FHOD3: variants seen among roughly 807,000 people sequenced by gnomAD.
FHOD3 encodes formin homology 2 domain containing 3.
Under a neutral mutation model 173.0 loss-of-function variants are expected in FHOD3, and 90 were observed. The ratio of observed to expected loss-of-function variants is 0.52; its 90% CI spans 0.44 to 0.62. FHOD3 has a LOEUF of 0.62. Ranked by LOEUF, FHOD3 falls within the 20% of genes least tolerant of loss-of-function variation. FHOD3 has a pLI of 0.00. For synonymous variants in FHOD3, 828 were observed against 823.0 expected, an observed-to-expected ratio of 1.01 and a Z score of -0.10; for missense variants, 1,945 against 2,034.7, an observed-to-expected ratio of 0.96 and a Z score of 0.85.
Position 36,709,254 on chromosome 18 carries a change from C to A in FHOD3, c.2396C>A (p.Ala799Asp). Residue 799 changes from alanine to aspartate, a missense_variant, in exon 18 of 29, where the codon GCC becomes GAC. Transcript: ENST00000590592. ...QALEQEPEER[A>D]SLSEKERQNE... ...CTAGAGCAAGAGCCGGAAGAAAGAG[C>A]CTCCCTCAGTGAAAAAGAGAGGCAG... The A allele has an allele frequency of 6.2e-7, 1 of 1,614,158 alleles. No homozygotes were observed.
At chr18:36,473,188 G>T (rs1240401246) in intron 3 of FHOD3, among the ~76,000 whole-genome samples, 1 of 152,194 alleles carries the variant, frequency 6.6e-6, no homozygotes, top group Non-Finnish European at 1.5e-5. Flanking sequence ...GCCGAGGCTG[G>T]CAGTCACCTG....
At chr18:36,571,626 A>G (rs1292316496) in intron 5 of FHOD3, among the ~76,000 whole-genome samples, 1 of 152,254 alleles carries the variant, frequency 6.6e-6, no homozygotes, top group Non-Finnish European at 1.5e-5. Flanking sequence ...CATTTACTCT[A>G]AAGCTATGGT....
chr18:36,576,884 C>T (rs192756365), intron 6 of FHOD3, among the ~76,000 whole-genome samples: 12 of 152,098 alleles, frequency 7.9e-5, no homozygotes, highest in African/African-American at 1.9e-4. Context: ...GGGTGGATCA[C>T]GAGATCGAGA....
chr18:36,474,986 T>TACACACACAC (rs3056805), intron 3 of FHOD3, among the ~76,000 whole-genome samples: 44 of 108,104 alleles, frequency 4.1e-4, no homozygotes, highest in East Asian at 2.9e-3. Context: ...AATACACACA[T>TACACACACAC]ACACACACAC....
At chr18:36,405,634 A>G (rs1185167751) in intron 3 of FHOD3, among the ~76,000 whole-genome samples, 1 of 152,272 alleles carries the variant, frequency 6.6e-6, no homozygotes, top group African/African-American at 2.4e-5. Flanking sequence ...GAAATGGAAT[A>G]AAGCTAAGGA....
At chr18:36,304,306 G>C (rs2092034102) in intron 1 of FHOD3, among the ~76,000 whole-genome samples, 2 of 152,296 alleles carry the variant, frequency 1.3e-5, no homozygotes, top group South Asian at 4.2e-4. Flanking sequence ...TTCCAGATAA[G>C]AGACAAGTAG....
intron 1 of FHOD3, among the ~76,000 whole-genome samples, chr18:36,321,030 C>T (rs1207064897): frequency 3.3e-5 from 5 of 151,996 alleles, no homozygotes; most frequent in Non-Finnish European, 7.4e-5. Flanking sequence ...AATGGGGCCA[C>T]ACCTCCAGTG....
intron 4 of FHOD3, among the ~76,000 whole-genome samples, chr18:36,504,813 G>A (rs1309258177): frequency 2.6e-5 from 4 of 152,110 alleles, no homozygotes; most frequent in Admixed American, 6.6e-5. Context: ...TGTTGTACAA[G>A]TTGAGCATCC....
chr18:36,539,703 T>C (rs899133431), intron 5 of FHOD3, among the ~76,000 whole-genome samples: 3 of 152,214 alleles, frequency 2.0e-5, no homozygotes, highest in African/African-American at 7.2e-5. Flanking sequence ...TATCACCATT[T>C]TGAGAAAATT....
chr18:36,465,077 C>T (rs2052829834), intron 3 of FHOD3, among the ~76,000 whole-genome samples: 2 of 152,328 alleles, frequency 1.3e-5, no homozygotes, highest in East Asian at 3.9e-4. Flanking sequence ...CCTGTAATCC[C>T]AGCACTTTGG....
At chr18:36,370,909 A>G (rs369129527) in intron 2 of FHOD3, among the ~76,000 whole-genome samples, 1 of 152,184 alleles carries the variant, frequency 6.6e-6, no homozygotes, top group Admixed American at 6.5e-5. Flanking sequence ...CTATAATTCA[A>G]TTTGGTGCAC....
At chr18:36,373,965 G>A (rs1012110433) in intron 3 of FHOD3, among the ~76,000 whole-genome samples, 2 of 152,132 alleles carry the variant, frequency 1.3e-5, no homozygotes, top group Non-Finnish European at 2.9e-5. Context: ...ACAAATCCAG[G>A]CACGTAACAT....
At chr18:36,480,181 G>T (rs1486516151) in intron 3 of FHOD3, among the ~76,000 whole-genome samples, 1 of 152,172 alleles carries the variant, frequency 6.6e-6, no homozygotes, top group Non-Finnish European at 1.5e-5. Context: ...CTGAGGTCCG[G>T]TGTCCACATA....
chr18:36,486,144 G>A (rs1488884078), intron 3 of FHOD3, among the ~76,000 whole-genome samples: 2 of 152,054 alleles, frequency 1.3e-5, no homozygotes, highest in South Asian at 2.1e-4. Context: ...TTTCCCATTG[G>A]CCACTAAATG....
intron 3 of FHOD3, among the ~76,000 whole-genome samples, chr18:36,440,845 G>T (rs1372625214): frequency 1.3e-5 from 2 of 152,098 alleles, no homozygotes; most frequent in Admixed American, 6.5e-5. Flanking sequence ...CTGAGGCTGG[G>T]CACTTGGCCC....
intron 14 of FHOD3, among the ~76,000 whole-genome samples, chr18:36,674,018 A>G (rs2037696053): frequency 6.6e-6 from 1 of 152,194 alleles, no homozygotes; most frequent in Non-Finnish European, 1.5e-5. Flanking sequence ...CACCTCACAT[A>G]TGTGTTAAAC....
chr18:36,763,641 T>C (rs1488520729), intron 27 of FHOD3, among the ~76,000 whole-genome samples: 1 of 148,686 alleles, frequency 6.7e-6, no homozygotes, highest in African/African-American at 2.5e-5. Context: ...ATATAATATA[T>C]GTGTATTATA....
Position 36,742,802 on chromosome 18 carries a change from G to A in FHOD3, c.3825G>A (p.Leu1275=). The A allele has an allele frequency of 6.2e-7, 1 of 1,613,814 alleles. No homozygotes were observed. The highest frequency in any genetic ancestry group is 1.7e-5 in the Admixed American group (1 of 59,992). The change falls in exon 22 of 29, where the codon TTG becomes TTA. Residue 1275 remains leucine, a synonymous_variant. Transcript: ENST00000590592. The part of the protein sequence containing the change: ...GIDQLENNKT[L]GFILSTLLAI... ...ACCAGTTGGAGAACAATAAAACCTT[G>A]GGCTTTATCCTGTCTACTCTCTTAG...
intron 3 of FHOD3, among the ~76,000 whole-genome samples, chr18:36,421,008 TTG>T (rs1339048414): frequency 2.6e-5 from 4 of 152,204 alleles, no homozygotes; most frequent in Non-Finnish European, 4.4e-5. Context: ...GAGGTTAAAT[TTG>T]GCCATGACTC....
Sources: allele counts gnomAD v4.1 joint callset (sites outside exome capture counted in the v4.1 genomes callset), GRCh38; gene constraint gnomAD v4.1.1; transcripts MANE v1.5; gene names NCBI Gene and HGNC (gene_info 2026-07-23, HGNC 2026-07-21).